NBEA: variants seen among roughly 807,000 people sequenced by gnomAD.
NBEA encodes lysosomal-trafficking regulator 2.
NBEA carries 44 observed loss-of-function variants against 343.4 expected under a neutral mutation model. The ratio of observed to expected loss-of-function variants is 0.13; its 90% CI spans 0.10 to 0.16. NBEA has a LOEUF of 0.16. NBEA is among the 10% of genes least tolerant of loss of function. The pLI is 1.00. For synonymous variants in NBEA, 1,175 were observed against 1,238.7 expected (o/e 0.95, Z 1.08); for missense variants, 2,555 against 3,631.3 (o/e 0.70, Z 7.62).
rs2060616546 is a variant in NBEA, at chr13:34,987,971, A to G, written c.294+44857A>G. ...CTTTAGCTCGGAGATGTTTGTTATT[A>G]CTGACCTTCTGAAGCCTACTTCTGT... is the stretch of plus-strand genomic sequence containing the variant. On this transcript the variant is annotated intron_variant, in intron 1 of 58. Transcript: ENST00000379939. Among the ~76,000 whole-genome samples the G allele has an allele frequency of 2.0e-5, 3 of 150,710 alleles. 1 individual carries two copies. The South Asian group carries it at 6.3e-4, about 32-fold the overall frequency.
At chr13:35,237,715 G>A (rs569574990) in intron 34 of NBEA, among the ~76,000 whole-genome samples, 1 of 152,156 alleles carries the variant, frequency 6.6e-6, no homozygotes, top group Admixed American at 6.5e-5. Flanking sequence ...TCTATGAAAA[G>A]AAAAAGCAAT....
intron 36 of NBEA, among the ~76,000 whole-genome samples, chr13:35,326,461 G>A (rs866487517): frequency 9.9e-5 from 15 of 152,132 alleles, no homozygotes; most frequent in African/African-American, 3.1e-4. Flanking sequence ...GTGTAGAAAT[G>A]CTACTGATTT....
intron 36 of NBEA, among the ~76,000 whole-genome samples, chr13:35,344,762 A>C (rs2152859516): frequency 6.6e-6 from 1 of 152,218 alleles, no homozygotes; most frequent in South Asian, 2.1e-4. Flanking sequence ...AATCAGTAAA[A>C]TTTCTTCCTG....
chr13:35,472,289 C>T, intron 40 of NBEA, 111 bp from the exon 41 acceptor site: 2 of 1,168,274 alleles, frequency 1.7e-6, no homozygotes, highest in South Asian at 1.6e-5. Context: ...ATAATACAGG[C>T]ACCATTTTTT....
At chr13:35,502,215 C>T (rs1257941041) in intron 41 of NBEA, among the ~76,000 whole-genome samples, 1 of 152,030 alleles carries the variant, frequency 6.6e-6, no homozygotes, top group Non-Finnish European at 1.5e-5. Context: ...TTAGGCTAAC[C>T]TTTTGAAAAC....
intron 39 of NBEA, among the ~76,000 whole-genome samples, chr13:35,436,430 G>A (rs1226864236): frequency 6.6e-6 from 1 of 152,158 alleles, no homozygotes; most frequent in Non-Finnish European, 1.5e-5. Flanking sequence ...TACTGTGAAG[G>A]CCGGGCGCAG....
At position 35,382,183 on chromosome 13, in the gene NBEA, T is replaced by A. The variant is rs2042047631; in HGVS notation, c.6179+29860T>A. On this transcript the variant is annotated intron_variant, in intron 38 of 58. Coordinates refer to ENST00000379939, the MANE Select transcript of NBEA (RefSeq NM_001385012.1). ...TAGTACTGAAAACCTGATGACATGA[T>A]AACAAGGATTTTCTATGGTAGTCAT... Among the ~76,000 whole-genome samples the A allele has an allele frequency of 2.0e-5, 3 of 152,234 alleles. No individual in the cohort carries two copies. In the South Asian group the frequency reaches 6.2e-4, roughly 32 times the overall value.
At chr13:35,137,781 A>C (rs1482526394) in intron 17 of NBEA, among the ~76,000 whole-genome samples, 1 of 152,166 alleles carries the variant, frequency 6.6e-6, no homozygotes, top group Non-Finnish European at 1.5e-5. Context: ...TATATGATTT[A>C]ACACAACCAA....
At chr13:35,417,745 T>C (rs1469024182) in intron 38 of NBEA, among the ~76,000 whole-genome samples, 1 of 152,176 alleles carries the variant, frequency 6.6e-6, no homozygotes, top group Non-Finnish European at 1.5e-5. Flanking sequence ...TAGATGTCTA[T>C]TAGGTCCTCT....
intron 41 of NBEA, among the ~76,000 whole-genome samples, chr13:35,479,215 C>T (rs1347548797): frequency 6.6e-6 from 1 of 152,218 alleles, no homozygotes; most frequent in Non-Finnish European, 1.5e-5. Context: ...CTTCCTTAAG[C>T]ACCCCTCACA....
chr13:35,596,562 G>A (rs911259752), intron 47 of NBEA, among the ~76,000 whole-genome samples: 7 of 152,100 alleles, frequency 4.6e-5, no homozygotes, highest in South Asian at 2.1e-4. Context: ...AAGGAGTGCT[G>A]CTGAAGTGAC....
At chr13:35,434,659 G>T (rs958533931) in intron 39 of NBEA, among the ~76,000 whole-genome samples, 1 of 152,202 alleles carries the variant, frequency 6.6e-6, no homozygotes, top group Non-Finnish European at 1.5e-5. Context: ...CTTTAGGACT[G>T]AGTGGAGAGT....
At chr13:35,535,652 C>T (rs2153001343) in intron 41 of NBEA, among the ~76,000 whole-genome samples, 1 of 152,270 alleles carries the variant, frequency 6.6e-6, no homozygotes, top group South Asian at 2.1e-4. Flanking sequence ...ATTTAATACT[C>T]ACAGCAACCC....
chr13:35,418,780 G>T (rs563563810), intron 38 of NBEA, among the ~76,000 whole-genome samples: 1 of 152,076 alleles, frequency 6.6e-6, no homozygotes, highest in Admixed American at 6.6e-5. Flanking sequence ...AATATTATCA[G>T]AAAAATGAGA....
chr13:35,410,137 A>G (rs1164201656), intron 38 of NBEA, among the ~76,000 whole-genome samples: 1 of 152,146 alleles, frequency 6.6e-6, no homozygotes, highest in Non-Finnish European at 1.5e-5. Flanking sequence ...ATAAATGGGG[A>G]TATAAACAAA....
intron 1 of NBEA, among the ~76,000 whole-genome samples, chr13:35,024,174 T>C (rs2061939223): frequency 6.6e-6 from 1 of 152,224 alleles, no homozygotes; most frequent in Non-Finnish European, 1.5e-5. Context: ...GGATGTGATT[T>C]TTTTTTGTTA....
At chr13:34,982,057 T>C (rs945362653) in intron 1 of NBEA, among the ~76,000 whole-genome samples, 1 of 152,014 alleles carries the variant, frequency 6.6e-6, no homozygotes, top group Non-Finnish European at 1.5e-5. Flanking sequence ...CTATTATTTG[T>C]TTTTTATTTT....
intron 18 of NBEA, among the ~76,000 whole-genome samples, chr13:35,147,003 C>T (rs1003517729): frequency 6.6e-6 from 1 of 152,156 alleles, no homozygotes; most frequent in African/African-American, 2.4e-5. Context: ...TTCTTAGGGC[C>T]TCCACAAGGC....
intron 41 of NBEA, among the ~76,000 whole-genome samples, chr13:35,511,461 T>C (rs1485747152): frequency 6.6e-6 from 1 of 152,090 alleles, no homozygotes; most frequent in Non-Finnish European, 1.5e-5. Context: ...ACAGAACCTA[T>C]TACAGATTTT....
Sources: allele counts gnomAD v4.1 joint callset (sites outside exome capture counted in the v4.1 genomes callset), GRCh38; gene constraint gnomAD v4.1.1; transcripts MANE v1.5; gene names NCBI Gene and HGNC (gene_info 2026-07-23, HGNC 2026-07-21).